Variants in NECTIN3 observed in about 807,000 individuals in gnomAD.
NECTIN3 encodes the protein nectin-3.
In NECTIN3, 8 loss-of-function variants were observed where a neutral mutation model predicts 49.4. The ratio of observed to expected loss-of-function variants is 0.16; its 90% CI spans 0.10 to 0.29. NECTIN3 has a LOEUF of 0.29. Ranked by LOEUF, NECTIN3 falls within the 10% of genes least tolerant of loss-of-function variation. The probability of loss-of-function intolerance (pLI) is 1.00; values close to 1 mark genes in which losing one functional copy is unlikely to be tolerated. For missense variants in NECTIN3, 581 were observed against 654.6 expected (o/e 0.89, Z 1.23); for synonymous variants, 277 against 241.1 (o/e 1.15, Z -1.38).
At chr3:111,191,524 A>C (rs1388402097), upstream of NECTIN3, among the ~76,000 whole-genome samples, 2 of 152,010 alleles carry the variant, frequency 1.3e-5, no homozygotes, top group Admixed American at 1.3e-4. Context: ...TGTGTTTGTA[A>C]GCCGAGGAAA....
intron 7 of NECTIN3, among the ~76,000 whole-genome samples, chr3:111,176,351 G>A (rs1401791239): frequency 6.6e-6 from 1 of 152,166 alleles, no homozygotes; most frequent in Admixed American, 6.5e-5. Context: ...AAAGTCACTG[G>A]TGCTGTGAAC....
At chr3:111,074,138 C>A (rs1184325988) in intron 1 of NECTIN3, 5 of 446,010 alleles carry the variant, frequency 1.1e-5, no homozygotes, top group South Asian at 7.9e-5. Flanking sequence ...AATTTGTGAA[C>A]CTTTATGACG....
chr3:111,128,378 G>A (rs1465046948), intron 5 of NECTIN3, among the ~76,000 whole-genome samples: 1 of 151,040 alleles, frequency 6.6e-6, no homozygotes, highest in Non-Finnish European at 1.5e-5. Flanking sequence ...GGACACTCTT[G>A]TATGTACTGA....
chr3:111,116,992 A>G (rs2033714737), intron 2 of NECTIN3, among the ~76,000 whole-genome samples: 2 of 152,144 alleles, frequency 1.3e-5, no homozygotes, highest in South Asian at 2.1e-4. Flanking sequence ...ATACTTGTGC[A>G]CAAATATGCT....
intron 7 of NECTIN3, among the ~76,000 whole-genome samples, chr3:111,180,149 T>A (rs2035601907): frequency 6.6e-6 from 1 of 152,242 alleles, no homozygotes; most frequent in Non-Finnish European, 1.5e-5. Context: ...AAAACTCATA[T>A]ATAAGAGTTG....
chr3:111,094,186 C>G (rs1351702865), intron 1 of NECTIN3, among the ~76,000 whole-genome samples: 1 of 149,964 alleles, frequency 6.7e-6, no homozygotes, highest in Non-Finnish European at 1.5e-5. Context: ...AAAGACAAAA[C>G]AAAAAAAAAC....
chr3:111,106,298 G>A (rs1447249045), intron 1 of NECTIN3, among the ~76,000 whole-genome samples: 1 of 152,184 alleles, frequency 6.6e-6, no homozygotes, highest in Admixed American at 6.6e-5. Flanking sequence ...AATGAATGAA[G>A]AAATGGTTGG....
intron 7 of NECTIN3, among the ~76,000 whole-genome samples, chr3:111,162,825 G>A (rs972263574): frequency 6.6e-6 from 1 of 152,108 alleles, no homozygotes; most frequent in Non-Finnish European, 1.5e-5. Context: ...TCTCTTCAAG[G>A]CCCTTCCAAC....
chr3:111,131,751 G>A (rs925134599), intron 5 of NECTIN3, among the ~76,000 whole-genome samples: 6 of 151,768 alleles, frequency 4.0e-5, no homozygotes, highest in African/African-American at 1.4e-4. Flanking sequence ...CATTATTTAG[G>A]ATACTTGGTA....
At chr3:111,184,117 T>C (rs1255960729) in intron 7 of NECTIN3, among the ~76,000 whole-genome samples, 1 of 152,210 alleles carries the variant, frequency 6.6e-6, no homozygotes, top group African/African-American at 2.4e-5. Context: ...GTGTCTACTC[T>C]GCTACTAAGG....
intron 2 of NECTIN3, among the ~76,000 whole-genome samples, chr3:111,113,496 C>T (rs2033559551): frequency 6.6e-6 from 1 of 151,948 alleles, no homozygotes; most frequent in South Asian, 2.1e-4. Flanking sequence ...CAATTTTGTC[C>T]AAATTTATTA....
chr3:111,109,513 G>T (rs1191090679), intron 1 of NECTIN3, among the ~76,000 whole-genome samples: 1 of 150,696 alleles, frequency 6.6e-6, no homozygotes, highest in Non-Finnish European at 1.5e-5. Context: ...TCCATCTAGG[G>T]TTTTTTTTTC....
chr3:111,143,898 TATCTC>T (rs1456335636), intron 5 of NECTIN3, among the ~76,000 whole-genome samples: 1 of 152,044 alleles, frequency 6.6e-6, no homozygotes, highest in Non-Finnish European at 1.5e-5. Flanking sequence ...TATAGAATAT[TATCTC>T]AGTATCTTTT....
chr3:111,105,947 A>C, intron 1 of NECTIN3, among the ~76,000 whole-genome samples: 1 of 150,560 alleles, frequency 6.6e-6, no homozygotes, highest in Non-Finnish European at 1.5e-5. Flanking sequence ...CACTCCACCA[A>C]AACAGTTGCT....
chr3:111,098,439 A>G (rs982582506), intron 1 of NECTIN3, among the ~76,000 whole-genome samples: 2 of 152,108 alleles, frequency 1.3e-5, no homozygotes, highest in Admixed American at 6.5e-5. Flanking sequence ...ATTTTGTTCC[A>G]TGCTTCTTTC....
At chr3:111,075,153 G>T (rs975946993) in intron 1 of NECTIN3, 3 of 151,996 alleles carry the variant, frequency 2.0e-5, no homozygotes, top group Admixed American at 6.6e-5. Flanking sequence ...TGTAACTTTG[G>T]GTTCGACCTA....
chr3:111,138,291 A>G (rs1211970734), downstream of NECTIN3, among the ~76,000 whole-genome samples: 1 of 151,636 alleles, frequency 6.6e-6, no homozygotes, highest in African/African-American at 2.4e-5. Flanking sequence ...GATAATACAC[A>G]GTTAGACTGG....
intron 2 of NECTIN3, among the ~76,000 whole-genome samples, chr3:111,114,975 G>A (rs1301949845): frequency 2.0e-5 from 3 of 152,044 alleles, no homozygotes; most frequent in South Asian, 2.1e-4. Context: ...TCACCCCACC[G>A]CAGAATACTA....
intron 7 of NECTIN3, among the ~76,000 whole-genome samples, chr3:111,151,503 T>C (rs1227300618): frequency 2.6e-5 from 4 of 151,994 alleles, no homozygotes; most frequent in Non-Finnish European, 4.4e-5. Context: ...ATCTTTGTAA[T>C]AGACTTCTCA....
Sources: allele counts gnomAD v4.1 joint callset (sites outside exome capture counted in the v4.1 genomes callset), GRCh38; gene constraint gnomAD v4.1.1; transcripts MANE v1.5; gene names NCBI Gene and HGNC (gene_info 2026-07-23, HGNC 2026-07-21).